Variants in CCDC150 observed in about 807,000 individuals in gnomAD.
CCDC150 encodes coiled-coil domain-containing protein 150.
CCDC150 carries 151 observed loss-of-function variants against 156.5 expected under a neutral mutation model. The observed-to-expected ratio is 0.97, with a 90% CI of 0.85 to 1.10. The LOEUF (loss-of-function observed/expected upper bound fraction) is 1.10, where lower values mean the gene tolerates loss of function less well. CCDC150 is among the 50% of genes least tolerant of loss of function. The pLI, the probability that CCDC150 is intolerant of heterozygous loss-of-function variation, is 0.00. For missense variants in CCDC150, 1,312 were observed against 1,268.1 expected, an observed-to-expected ratio of 1.03 and a Z score of -0.53; for synonymous variants, 452 against 429.4, an observed-to-expected ratio of 1.05 and a Z score of -0.65.
In CCDC150 at chr2:196,707,195, G is replaced by C. The variant is rs375697476; in HGVS notation, c.1696-4950G>C. On this transcript the variant is annotated intron_variant, in intron 15 of 27. Transcript: ENST00000389175. ...TGCCTCAATTTCAGAGACTGCTATTGGTCTATTTAGAAGTTCAATTTCTTC... is the reference window on the plus strand; with the variant it reads ...TGCCTCAATTTCAGAGACTGCTATTCGTCTATTTAGAAGTTCAATTTCTTC... Among the ~76,000 whole-genome samples the C allele has an allele frequency of 1.4e-4, 22 of 152,184 alleles. No individual in the cohort carries two copies. In the East Asian group the frequency reaches 2.5e-3, roughly 17 times the overall value.
At chr2:196,719,391 T>A (rs1054394978) in intron 18 of CCDC150, 106 bp from the exon 19 acceptor site, 15 of 814,992 alleles carry the variant, frequency 1.8e-5, no homozygotes, top group African/African-American at 3.5e-5. Flanking sequence ...TCCTACTGTG[T>A]CTGCTTGTCT....
At chr2:196,724,900 T>C (rs1323429809) in intron 21 of CCDC150, among the ~76,000 whole-genome samples, 1 of 152,166 alleles carries the variant, frequency 6.6e-6, no homozygotes, top group Non-Finnish European at 1.5e-5. Context: ...AGGATCTCCA[T>C]CCCTTTATGC....
At chr2:196,670,035 G>T (rs553727260) in intron 8 of CCDC150, among the ~76,000 whole-genome samples, 159 bp downstream of exon 8, 1 of 152,142 alleles carries the variant, frequency 6.6e-6, no homozygotes, top group South Asian at 2.1e-4. Flanking sequence ...ATAGTATTAG[G>T]AACTAAGAAA....
intron 17 of CCDC150, among the ~76,000 whole-genome samples, chr2:196,716,122 T>C (rs1429646200): frequency 6.6e-6 from 1 of 152,190 alleles, no homozygotes; most frequent in Admixed American, 6.5e-5. Context: ...CATCAGTCAT[T>C]AGGGAAATGC....
In CCDC150 at chr2:196,647,794, T is replaced by C. The variant is rs531894598; in HGVS notation, c.176+1290T>C. ...TTAGTCTTTTAAGAATTTTGAAATATACAATACGTTATTATTAATTATAGT... is the reference window on the plus strand; with the variant it reads ...TTAGTCTTTTAAGAATTTTGAAATACACAATACGTTATTATTAATTATAGT... On this transcript the variant is annotated intron_variant, in intron 2 of 27. Transcript: ENST00000389175. 3.3e-5 allele frequency among the ~76,000 whole-genome samples: 5 copies of C among 152,298 alleles called. No homozygotes were observed. In the South Asian group the frequency reaches 1.0e-3, roughly 32 times the overall value.
intron 13 of CCDC150, among the ~76,000 whole-genome samples, chr2:196,690,248 G>T (rs1695379159): frequency 6.6e-6 from 1 of 151,870 alleles, no homozygotes; most frequent in African/African-American, 2.4e-5. Context: ...GGGAGGAGGG[G>T]GGAGGGATAG....
intron 21 of CCDC150, among the ~76,000 whole-genome samples, chr2:196,725,157 G>C (rs562958758): frequency 3.9e-4 from 59 of 152,218 alleles, no homozygotes; most frequent in African/African-American, 1.4e-3. Flanking sequence ...GGAGAGAGAG[G>C]GAAAATGAAG....
Position 196,657,132 on chromosome 2 carries a change from C to A in CCDC150, c.572C>A (p.Thr191Lys). Residue 191 changes from threonine (T) to lysine (K), a missense_variant, in exon 4 of 28, where the codon ACA becomes AAA. Coordinates refer to ENST00000389175, the MANE Select transcript of CCDC150 (RefSeq NM_001080539.2). ...GCCACTCTGAAGATTGCCTCGCAGA[C>A]AAAGGTTTGAGTCTAAGAGTTCTGA... is the stretch of plus-strand genomic sequence containing the variant. ...LTATLKIASQ[T>K]KKNAAIIEEE... 1 of 1,613,492 alleles carries A rather than the reference C, an allele frequency of 6.2e-7. No homozygotes were observed. Among genetic ancestry groups the A allele is most frequent in the South Asian group, 1.1e-5 (1 of 91,014 alleles).
chr2:196,668,317 A>G lies in CCDC150; in HGVS notation c.892+1469A>G, dbSNP rs796192357. 2.2e-3 allele frequency among the ~76,000 whole-genome samples: 325 copies of G among 146,776 alleles called. 1 individual carries two copies. The highest frequency in any genetic ancestry group is 3.7e-3 in the Non-Finnish European group (246 of 67,350). ...ATCTAAAAAAAAAAAAAAAAAAAAA[A>G]AAGAAGATATAAAAGGATCCACACT... On this transcript the variant is annotated intron_variant, in intron 7 of 27. Transcript: ENST00000389175.
At chr2:196,689,696 G>T (rs569991302) in intron 13 of CCDC150, among the ~76,000 whole-genome samples, 48 of 151,602 alleles carry the variant, frequency 3.2e-4, no homozygotes, top group African/African-American at 1.1e-3. Flanking sequence ...TGCAAACAGG[G>T]ACAATTTGAC....
chr2:196,685,680 C>T (rs1006986431), intron 13 of CCDC150, among the ~76,000 whole-genome samples: 1 of 151,504 alleles, frequency 6.6e-6, no homozygotes, highest in Non-Finnish European at 1.5e-5. Context: ...GGTGCCATCT[C>T]GGCTCACTGC....
intron 5 of CCDC150, among the ~76,000 whole-genome samples, chr2:196,665,088 A>G (rs1693764193): frequency 2.0e-5 from 3 of 152,218 alleles, no homozygotes; most frequent in Admixed American, 2.0e-4. Context: ...AAATAAAGTC[A>G]GAAAATATAG....
rs940146294 is a variant in CCDC150, at chr2:196,701,135, C to A, written c.1650C>A (p.Ile550=). ...TTGCCCAACAGAAGGTGGAAAAAATCACTGAAAGTAAAAATAAACTGGCCT... is the reference window on the plus strand; with the variant it reads ...TTGCCCAACAGAAGGTGGAAAAAATAACTGAAAGTAAAAATAAACTGGCCT... The part of the protein sequence containing the change: ...HGLAQQKVEK[I]TESKNKLAYE... Residue 550 remains isoleucine (I), a synonymous_variant, in exon 15 of 28, where the codon ATC becomes ATA. Transcript: ENST00000389175. 2.5e-6 allele frequency: 4 copies of A among 1,609,328 alleles called. No homozygotes were observed. The African/African-American group carries it at 4.0e-5, about 16-fold the overall frequency.
chr2:196,720,204 G>C (rs931639017), intron 19 of CCDC150: 1 of 356,352 alleles, frequency 2.8e-6, no homozygotes, highest in East Asian at 8.5e-5. Context: ...AGTTTAATAG[G>C]GCATATTGCC....
rs147663305 is a variant in CCDC150 at position 196,725,741 on chromosome 2, C to T, written c.2430-232C>T. On this transcript the variant is annotated intron_variant, in intron 21 of 27. Transcript: ENST00000389175. Reference sequence around the variant, plus strand: ...TTTTCTTCGATGTGAGTTTTTTACTCGTTTGGTTGGATCTCTTTATGTAGA... The same window carrying T: ...TTTTCTTCGATGTGAGTTTTTTACTTGTTTGGTTGGATCTCTTTATGTAGA... 1.0e-3 allele frequency among the ~76,000 whole-genome samples: 154 copies of T among 152,276 alleles called. No homozygotes were observed. In the East Asian group the frequency reaches 0.019, roughly 19 times the overall value.
intron 20 of CCDC150, among the ~76,000 whole-genome samples, chr2:196,721,112 GT>G (rs1214631980): frequency 2.0e-5 from 3 of 150,796 alleles, no homozygotes; most frequent in Non-Finnish European, 4.4e-5. Flanking sequence ...CATAAATAAG[GT>G]TTTTTTTCTG....
rs1246229994 is a variant in CCDC150, at chr2:196,718,627, A to C, written c.1991A>C (p.Lys664Thr). 2 of 1,613,358 alleles carry C rather than the reference A, an allele frequency of 1.2e-6. No homozygotes were observed. The highest frequency in any genetic ancestry group is 1.7e-6 in the Non-Finnish European group (2 of 1,179,476). Residue 664 changes from lysine (K) to threonine (T), a missense_variant, in exon 18 of 28, where the codon AAG becomes ACG. Physicochemically the swap from Lys to Thr is moderately conservative, Grantham distance 78 (BLOSUM62 -1). Coordinates refer to ENST00000389175, the MANE Select transcript of CCDC150 (RefSeq NM_001080539.2). ...DLEAVEDREN[K>T]KVGNFQRQLA... ...GAGGCTGTGGAGGACAGGGAAAACA[A>C]GAAGGCAAGGAATCAGTCCCTTCTG...
In CCDC150 at chr2:196,712,705, T is replaced by TA. The variant is rs747089024; in HGVS notation, c.1833dup (p.His612ThrfsTer17). On this transcript the variant is annotated frameshift_variant, in exon 17 of 28. Coordinates refer to ENST00000389175, the MANE Select transcript of CCDC150 (RefSeq NM_001080539.2). LOFTEE classifies it high-confidence loss of function. ...AACTCAGAACTCAGTGCCAAGAGGG[T>TA]ACACCTGCAGCAGGCAGATGCTCAC... 1 of 1,610,976 alleles carries TA rather than the reference T, an allele frequency of 6.2e-7. No homozygotes were observed. Among genetic ancestry groups the TA allele is most frequent in the Non-Finnish European group, 8.5e-7 (1 of 1,178,502 alleles).
chr2:196,674,240 G>A lies in CCDC150; in HGVS notation c.1030-1G>A. The stretch of plus-strand genomic sequence containing the variant: ...ATGACTTGCTGTGTGTGTTTTCTTA[G>A]GTTTTGAATGACCAATTGACTAAAA... On this transcript the variant is annotated splice_acceptor_variant, in intron 9 of 27. Coordinates refer to ENST00000389175, the MANE Select transcript of CCDC150 (RefSeq NM_001080539.2). LOFTEE classifies it high-confidence loss of function. 3 of 1,575,682 alleles carry A rather than the reference G, an allele frequency of 1.9e-6. No individual in the cohort carries two copies. Among genetic ancestry groups the A allele is most frequent in the Non-Finnish European group, 2.6e-6 (3 of 1,155,182 alleles).
Sources: allele counts gnomAD v4.1 joint callset (sites outside exome capture counted in the v4.1 genomes callset), GRCh38; gene constraint gnomAD v4.1.1; transcripts MANE v1.5; gene names NCBI Gene and HGNC (gene_info 2026-07-23, HGNC 2026-07-21).